The following GRID2 variants were observed in gnomAD, a reference collection of about 807,000 sequenced individuals.
GRID2 encodes the protein glutamate ionotropic receptor delta type subunit 2, also known as glutamate receptor ionotropic, delta-2.
GRID2 carries 33 observed loss-of-function variants against 114.8 expected under a neutral mutation model. That is an observed-to-expected ratio of 0.29 (90% CI 0.22 to 0.38). The LOEUF is 0.38. GRID2 is among the 10% of genes least tolerant of loss of function. GRID2 has a pLI of 1.00. For missense variants in GRID2, 1,184 were observed against 1,257.7 expected (o/e 0.94, Z 0.89); for synonymous variants, 505 against 449.9 (o/e 1.12, Z -1.55).
intron 2 of GRID2, among the ~76,000 whole-genome samples, chr4:92,602,779 T>C (rs1324900126): frequency 1.3e-5 from 2 of 152,208 alleles, no homozygotes; most frequent in African/African-American, 4.8e-5. Flanking sequence ...TGTTTGTAGA[T>C]GACATGATCT....
rs142049277 is a variant in GRID2 at position 93,147,507 on chromosome 4, T to C, written c.735+36554T>C. ...TTTAATACTCATGGAAAAACAGAAA[T>C]AGTGAAACTAGAAATGTGACACAAT... On this transcript the variant is annotated intron_variant, in intron 4 of 15. Coordinates refer to ENST00000282020, the MANE Select transcript of GRID2 (RefSeq NM_001510.4). Among the ~76,000 whole-genome samples, 545 of 152,244 alleles carry C rather than the reference T, an allele frequency of 3.6e-3. 17 individuals are homozygous for C. In the East Asian group the frequency reaches 0.056, roughly 16 times the overall value.
chr4:93,711,157 T>C (rs1162752156), intron 14 of GRID2, among the ~76,000 whole-genome samples: 8 of 152,042 alleles, frequency 5.3e-5, no homozygotes, highest in Non-Finnish European at 1.2e-4. Flanking sequence ...TTTTCATGGC[T>C]TTCCCACCTG....
At chr4:93,323,145 G>T (rs1432780323) in intron 8 of GRID2, among the ~76,000 whole-genome samples, 2 of 152,128 alleles carry the variant, frequency 1.3e-5, no homozygotes, top group Non-Finnish European at 2.9e-5. Flanking sequence ...GAATGGTATT[G>T]CCTAGGTTTT....
At chr4:93,530,376 T>C (rs1420084162) in intron 13 of GRID2, among the ~76,000 whole-genome samples, 1 of 152,224 alleles carries the variant, frequency 6.6e-6, no homozygotes, top group East Asian at 1.9e-4. Flanking sequence ...AAATAACGCC[T>C]ATTCTGTATT....
intron 4 of GRID2, among the ~76,000 whole-genome samples, chr4:93,202,012 A>G (rs1167287130): frequency 6.6e-6 from 1 of 151,934 alleles, no homozygotes; most frequent in Non-Finnish European, 1.5e-5. Flanking sequence ...ACATTGCTAT[A>G]TTTCAAAGTG....
At chr4:92,542,353 C>A (rs890662097) in intron 1 of GRID2, among the ~76,000 whole-genome samples, 3 of 151,864 alleles carry the variant, frequency 2.0e-5, no homozygotes, top group South Asian at 2.1e-4. Context: ...TGAATGTGAT[C>A]AAAAAGAACA....
At chr4:93,319,404 T>C (rs1756998928) in intron 8 of GRID2, among the ~76,000 whole-genome samples, 1 of 152,042 alleles carries the variant, frequency 6.6e-6, no homozygotes, top group African/African-American at 2.4e-5. Flanking sequence ...AATGGACACA[T>C]TAAAAATATT....
chr4:93,215,812 T>A (rs1744144475), intron 5 of GRID2, among the ~76,000 whole-genome samples: 1 of 152,176 alleles, frequency 6.6e-6, no homozygotes, highest in Middle Eastern at 3.4e-3. Context: ...ATTTCTTAGA[T>A]CAAACCTCAG....
intron 13 of GRID2, among the ~76,000 whole-genome samples, chr4:93,614,072 T>A (rs558210670): frequency 1.3e-4 from 20 of 152,164 alleles, no homozygotes; most frequent in Non-Finnish European, 2.5e-4. Flanking sequence ...GTGACCCGAT[T>A]TTCCAGGTGC....
At chr4:93,742,178 G>A (rs1401140964) in intron 14 of GRID2, among the ~76,000 whole-genome samples, 1 of 151,990 alleles carries the variant, frequency 6.6e-6, no homozygotes, top group Non-Finnish European at 1.5e-5. Context: ...AATATACCCT[G>A]AACACTAATT....
intron 9 of GRID2, among the ~76,000 whole-genome samples, chr4:93,419,716 T>G (rs960428711): frequency 1.3e-5 from 2 of 152,080 alleles, no homozygotes; most frequent in African/African-American, 4.8e-5. Context: ...TAGGTGACAT[T>G]GCTAGGAACA....
At chr4:92,728,084 G>A (rs1736148621) in intron 2 of GRID2, among the ~76,000 whole-genome samples, 1 of 152,016 alleles carries the variant, frequency 6.6e-6, no homozygotes, top group South Asian at 2.1e-4. Context: ...AGACAAGTTG[G>A]AACAGATCAT....
intron 1 of GRID2, among the ~76,000 whole-genome samples, chr4:92,382,865 C>G (rs942845588): frequency 1.3e-5 from 2 of 151,852 alleles, no homozygotes; most frequent in Non-Finnish European, 1.5e-5. Flanking sequence ...TTAGTCCATT[C>G]TCACATTGCT....
At chr4:92,322,744 T>C (rs1218695911) in intron 1 of GRID2, among the ~76,000 whole-genome samples, 1 of 152,150 alleles carries the variant, frequency 6.6e-6, no homozygotes, top group Non-Finnish European at 1.5e-5. Context: ...TAATTCTGTC[T>C]TAGCAGCAGG....
chr4:92,841,273 C>T lies in GRID2; in HGVS notation c.245-243722C>T, dbSNP rs145588757. ...AAATGTACTCACTTTTTTCTCAAAA[C>T]ATTTAAATTGTTTAAATTTACCAAA... On this transcript the variant is annotated intron_variant, in intron 2 of 15. Transcript: ENST00000282020. 5.8e-3 allele frequency among the ~76,000 whole-genome samples: 875 copies of T among 152,136 alleles called. 16 individuals are homozygous for T. The highest frequency in any genetic ancestry group is 0.02 in the African/African-American group (831 of 41,534).
At chr4:93,537,465 A>G (rs1050064906) in intron 13 of GRID2, among the ~76,000 whole-genome samples, 2 of 151,794 alleles carry the variant, frequency 1.3e-5, no homozygotes, top group African/African-American at 2.4e-5. Flanking sequence ...GATAATTACC[A>G]TCAAAGAAAG....
At chr4:92,752,028 A>G (rs1245543316) in intron 2 of GRID2, among the ~76,000 whole-genome samples, 1 of 152,208 alleles carries the variant, frequency 6.6e-6, no homozygotes, top group African/African-American at 2.4e-5. Context: ...AGGCAGTTGT[A>G]TGATTAATGA....
intron 14 of GRID2, among the ~76,000 whole-genome samples, chr4:93,745,672 C>G (rs778170004): frequency 2.0e-4 from 30 of 152,116 alleles, no homozygotes; most frequent in African/African-American, 7.0e-4. Flanking sequence ...GTGTGAGCTT[C>G]TCTTTCGTAA....
At chr4:92,880,431 A>G (rs1432729894) in intron 2 of GRID2, among the ~76,000 whole-genome samples, 2 of 152,168 alleles carry the variant, frequency 1.3e-5, no homozygotes, top group Non-Finnish European at 2.9e-5. Context: ...TTCTGACTAG[A>G]TATCAAATAC....
Sources: gnomAD v4.1 joint callset for allele counts (sites outside exome capture counted in the v4.1 genomes callset) on GRCh38, gnomAD v4.1.1 for gene constraint, MANE v1.5 for transcripts, NCBI Gene and HGNC (gene_info 2026-07-23, HGNC 2026-07-21) for gene names.